The following DUXB variants were observed in gnomAD, a reference collection of about 807,000 sequenced individuals.
DUXB encodes the protein double homeobox protein B.
Under a neutral mutation model 8.9 loss-of-function variants are expected in DUXB, and 22 were observed. The observed-to-expected ratio is 2.46, with a 90% CI of 1.76 to 3.52. DUXB has a LOEUF of 3.52. Among genes scored for constraint, DUXB ranks in the 30% most tolerant of loss-of-function variants. The pLI is 0.00. For missense variants in DUXB, 237 were observed against 108.7 expected (o/e 2.18, Z -5.25); for synonymous variants, 84 against 37.6 (o/e 2.23, Z -4.52).
intron 2 of DUXB, 112 bp from the exon 3 acceptor site, chr16:75,697,055 C>T (rs1023418618): frequency 1.6e-6 from 1 of 623,958 alleles, no homozygotes; most frequent in African/African-American, 1.8e-5. Flanking sequence ...GGAATAATGC[C>T]CACAAGAGAA....
chr16:75,700,549 G>C (rs1049114339), intron 1 of DUXB, among the ~76,000 whole-genome samples: 2 of 151,602 alleles, frequency 1.3e-5, no homozygotes, highest in African/African-American at 4.9e-5. Context: ...ATGGAGTCTC[G>C]ATCTGTTGCC....
At chr16:75,696,156 C>G in intron 3 of DUXB, 41 bp from the exon 4 acceptor site, 1 of 695,588 alleles carries the variant, frequency 1.4e-6, no homozygotes, top group Non-Finnish European at 2.6e-6. Flanking sequence ...TTTTCATATT[C>G]AAACCAGAAA....
rs1214767028 is a variant in DUXB at position 75,694,546 on chromosome 16, C to T, written c.442-21G>A. On this transcript the variant is annotated intron_variant, in intron 4 of 4. Transcript: ENST00000633875. ...CACATCTAAATGAGAAAAAGGGCAA[C>T]ATGACATCATAAGACATAAGCAATT... 52 of 702,736 alleles carry T rather than the reference C, an allele frequency of 7.4e-5. No homozygotes were observed. In the East Asian group the frequency reaches 1.4e-3, roughly 19 times the overall value. 43.5% of individuals were successfully genotyped at this position (702,736 alleles called of 1,614,324 possible).
chr16:75,700,238 A>G (rs1959202663), intron 1 of DUXB, 69 bp from the exon 2 acceptor site: 1 of 611,724 alleles, frequency 1.6e-6, no homozygotes, highest in South Asian at 1.9e-5. Flanking sequence ...TACTTTGATT[A>G]AATTAATTTA....
At chr16:75,699,960 G>A in intron 2 of DUXB, 55 bp downstream of exon 2, 1 of 636,954 alleles carries the variant, frequency 1.6e-6, no homozygotes, top group Admixed American at 2.6e-5. Flanking sequence ...GCTGGGCCTA[G>A]TCTTTCTCTT....
At position 75,694,412 on chromosome 16, in the gene DUXB, T is replaced by A. The variant is rs1352366460; in HGVS notation, c.555A>T (p.Pro185=). The A allele has an allele frequency of 5.7e-6, 4 of 698,538 alleles. No homozygotes were observed. Among genetic ancestry groups the A allele is most frequent in the African/African-American group, 1.8e-5 (1 of 56,878 alleles). The allele number at this position is 698,538 out of a possible 1,614,324, so 43.3% of individuals were successfully genotyped here. The part of the protein sequence containing the change: ...ERPDATVGWH[P]INLFLPTDSS... ...TGTCTGTGGGGAGGAACAGGTTGAT[T>A]GGATGCCACCCAACAGTTGCATCTG... Residue 185 remains proline, a synonymous_variant, in exon 5 of 5, where the codon CCA becomes CCT. Coordinates refer to ENST00000633875, the MANE Select transcript of DUXB (RefSeq NM_001351307.2).
At chr16:75,699,395 G>T (rs974906146) in intron 2 of DUXB, among the ~76,000 whole-genome samples, 3 of 151,994 alleles carry the variant, frequency 2.0e-5, no homozygotes, top group Non-Finnish European at 4.4e-5. Context: ...AATTATCATG[G>T]TGATTTCATT....
intron 4 of DUXB, among the ~76,000 whole-genome samples, chr16:75,694,856 C>T (rs1373494506): frequency 1.3e-5 from 2 of 152,126 alleles, no homozygotes; most frequent in African/African-American, 4.8e-5. Context: ...ATGAGATGTG[C>T]ACAGGTTATA....
chr16:75,699,781 T>A (rs1959200643), intron 2 of DUXB, among the ~76,000 whole-genome samples: 1 of 152,200 alleles, frequency 6.6e-6, no homozygotes, highest in Admixed American at 6.5e-5. Flanking sequence ...CAGGATGGTC[T>A]CCATCTCCTG....
chr16:75,695,541 A>C (rs1567521444), intron 4 of DUXB, among the ~76,000 whole-genome samples: 1 of 152,172 alleles, frequency 6.6e-6, no homozygotes, highest in South Asian at 2.1e-4. Flanking sequence ...AGAACATTTG[A>C]CTATGTCTGT....
In DUXB at chr16:75,696,068, T is replaced by A. The variant is rs747339585; in HGVS notation, c.334A>T (p.Thr112Ser). The A allele has an allele frequency of 1.4e-6, 1 of 702,998 alleles. No individual in the cohort carries two copies. The highest frequency in any genetic ancestry group is 1.5e-5 in the South Asian group (1 of 67,602). 43.5% of individuals were successfully genotyped at this position (702,998 alleles called of 1,614,324 possible). A position where few individuals can be genotyped will look rare whatever the true frequency, so the allele number is the denominator to read the frequency against. ...ARQKQTFITW[T>S]QKNRLVQAFE... ...GCTTGCACTAGCCTGTTTTTTTGAG[T>A]CCATGTGATGAATGTCTGTTTTTGT... The change falls in exon 4 of 5, where the codon ACT becomes TCT. Residue 112 changes from threonine to serine, a missense_variant. Transcript: ENST00000633875.
intron 2 of DUXB, among the ~76,000 whole-genome samples, chr16:75,697,998 T>C (rs2082622116): frequency 6.6e-6 from 1 of 152,200 alleles, no homozygotes; most frequent in Non-Finnish European, 1.5e-5. Context: ...AAATATTGTC[T>C]TCCACAAAAC....
At chr16:75,696,393 A>G (rs1278916455) in intron 3 of DUXB, among the ~76,000 whole-genome samples, 1 of 152,166 alleles carries the variant, frequency 6.6e-6, no homozygotes, top group Non-Finnish European at 1.5e-5. Flanking sequence ...TCTACTAAAA[A>G]TACAAAAAAT....
chr16:75,695,765 C>T (rs1028670649), intron 4 of DUXB, among the ~76,000 whole-genome samples, 196 bp downstream of exon 4: 2 of 152,166 alleles, frequency 1.3e-5, no homozygotes, highest in African/African-American at 4.8e-5. Context: ...CTAGTGATTC[C>T]AAATCCGTGC....
chr16:75,696,141 G>C (rs2082605407), intron 3 of DUXB, 26 bp from the exon 4 acceptor site: 2 of 698,340 alleles, frequency 2.9e-6, no homozygotes, highest in Admixed American at 4.1e-5. Flanking sequence ...GAAGCTGTTG[G>C]GGAATTTTCA....
intron 2 of DUXB, among the ~76,000 whole-genome samples, chr16:75,697,654 A>G (rs1192832960): frequency 1.3e-5 from 2 of 152,242 alleles, no homozygotes; most frequent in African/African-American, 2.4e-5. Context: ...AATGACAACG[A>G]ATATCCAATA....
intron 3 of DUXB, 26 bp downstream of exon 3, chr16:75,696,812 C>T (rs759795560): frequency 1.4e-6 from 1 of 699,654 alleles, no homozygotes; most frequent in Non-Finnish European, 2.6e-6. Flanking sequence ...AACGTACTCT[C>T]AATGGGACCC....
chr16:75,701,447 G>A lies in DUXB; in HGVS notation c.-29C>T, dbSNP rs1344278380. On this transcript the variant is annotated 5_prime_UTR_variant, in exon 1 of 5. Coordinates refer to ENST00000633875, the MANE Select transcript of DUXB (RefSeq NM_001351307.2). ...GGGCAGAAGACCTGGACTCCACGGA[G>A]ATCAGCGAGTAACTGAGCAGCTCTC... 2.5e-6 allele frequency: 1 copy of A among 398,578 alleles called. No individual in the cohort carries two copies. Among genetic ancestry groups the A allele is most frequent in the East Asian group, 3.6e-5 (1 of 28,072 alleles). The allele number at this position is 398,578 out of a possible 1,614,324, so 24.7% of individuals were successfully genotyped here.
chr16:75,699,659 C>T lies in DUXB; in HGVS notation c.180+356G>A, dbSNP rs536768337. ...ACTGCAAGCTCCCCTCCCGGGTTCA[C>T]GCCATTCTCCTGCCTCAGCCTCCAG... On this transcript the variant is annotated intron_variant, in intron 2 of 4. Transcript: ENST00000633875. 8.6e-5 allele frequency among the ~76,000 whole-genome samples: 13 copies of T among 151,282 alleles called. No homozygotes were observed. In the South Asian group the frequency reaches 2.3e-3, roughly 27 times the overall value.
Sources: gnomAD v4.1 joint callset for allele counts (sites outside exome capture counted in the v4.1 genomes callset) on GRCh38, gnomAD v4.1.1 for gene constraint, MANE v1.5 for transcripts, NCBI Gene and HGNC (gene_info 2026-07-23, HGNC 2026-07-21) for gene names.